LRRTM4: variants seen among roughly 807,000 people sequenced by gnomAD.
LRRTM4 encodes the protein leucine rich repeat transmembrane neuronal 4, also known as leucine-rich repeat transmembrane neuronal protein 4.
LRRTM4 carries 25 observed loss-of-function variants against 47.6 expected under a neutral mutation model. The observed-to-expected ratio is 0.53, with a 90% confidence interval of 0.38 to 0.73. LRRTM4 has a LOEUF of 0.73. Among genes scored for constraint, LRRTM4 ranks in the 30% least tolerant of loss-of-function variants. The pLI, the probability that LRRTM4 is intolerant of heterozygous loss-of-function variation, is 0.00. For synonymous variants in LRRTM4, 311 were observed against 269.5 expected (o/e 1.15, Z -1.51); for missense variants, 638 against 713.4 (o/e 0.89, Z 1.20).
At position 77,256,373 on chromosome 2, in the gene LRRTM4, T is replaced by TA. The variant is rs528373753; in HGVS notation, c.1551+261944dup. ...ATTAATGATTTTAAACAAGCTCATC[T>TA]AAAAAAACAGAAGAAAAGAGAAGAC... On this transcript the variant is annotated intron_variant, in intron 3 of 3. Transcript: ENST00000409884. Among the ~76,000 whole-genome samples, 9 of 152,194 alleles carry TA rather than the reference T, an allele frequency of 5.9e-5. No individual in the cohort carries two copies. In the East Asian group the frequency reaches 9.7e-4, roughly 16 times the overall value.
chr2:77,244,661 G>C (rs10172843), intron 3 of LRRTM4, among the ~76,000 whole-genome samples: 82,991 of 151,650 alleles, frequency 0.55, 23,068 homozygotes, highest in African/African-American at 0.6. Context: ...AAGTTCATAA[G>C]AAATAAAATG....
chr2:77,386,464 C>T (rs561259735), intron 3 of LRRTM4, among the ~76,000 whole-genome samples: 6 of 152,116 alleles, frequency 3.9e-5, no homozygotes, highest in Non-Finnish European at 8.8e-5. Context: ...TTTTTTATGG[C>T]TGCATAGTAC....
At chr2:77,336,516 C>G (rs1001614141) in intron 3 of LRRTM4, among the ~76,000 whole-genome samples, 3 of 152,058 alleles carry the variant, frequency 2.0e-5, no homozygotes, top group Admixed American at 1.3e-4. Flanking sequence ...AAAGATAATT[C>G]ACTACAATTA....
intron 3 of LRRTM4, among the ~76,000 whole-genome samples, chr2:77,496,865 G>C (rs1025174445): frequency 6.6e-6 from 1 of 151,508 alleles, no homozygotes; most frequent in Non-Finnish European, 1.5e-5. Context: ...AACTTATATA[G>C]AATTTGCATT....
chr2:76,931,764 C>A (rs1674776664), intron 3 of LRRTM4, among the ~76,000 whole-genome samples: 2 of 152,072 alleles, frequency 1.3e-5, no homozygotes, highest in Admixed American at 1.3e-4. Flanking sequence ...TCCAGGTTTA[C>A]CAGCATAAAG....
At position 76,893,288 on chromosome 2, in the gene LRRTM4, G is replaced by A. The variant is rs566252117; in HGVS notation, c.1552-144372C>T. On this transcript the variant is annotated intron_variant, in intron 3 of 3. Coordinates refer to ENST00000409884, the MANE Select transcript of LRRTM4 (RefSeq NM_001134745.3). ...ATACAAGAAATTCTAATTTTCAAAA[G>A]TTATATCCAAATAAAAATGGCAACT... 2.0e-5 allele frequency among the ~76,000 whole-genome samples: 3 copies of A among 151,656 alleles called. No homozygotes were observed. The South Asian group carries it at 6.2e-4, about 31-fold the overall frequency.
intron 3 of LRRTM4, among the ~76,000 whole-genome samples, chr2:76,924,018 T>A (rs1397377244): frequency 6.6e-6 from 1 of 152,122 alleles, no homozygotes; most frequent in Non-Finnish European, 1.5e-5. Flanking sequence ...TTTAGGTTTC[T>A]TTCTTGAGGA....
chr2:77,376,206 T>C (rs1409634415), intron 3 of LRRTM4, among the ~76,000 whole-genome samples: 1 of 151,694 alleles, frequency 6.6e-6, no homozygotes, highest in Non-Finnish European at 1.5e-5. Context: ...ACAGTATATC[T>C]AACTAAGTGT....
chr2:77,158,009 G>C (rs1379393090), intron 3 of LRRTM4, among the ~76,000 whole-genome samples: 2 of 152,120 alleles, frequency 1.3e-5, no homozygotes, highest in African/African-American at 4.8e-5. Flanking sequence ...TAACAAAAAT[G>C]GGTCTGACTA....
rs527630732 is a variant in LRRTM4, at chr2:77,263,971, G to A, written c.1551+254347C>T. ...ACCTTCAGGTATTAAAGGATCTAAC[G>A]TGTTAGAGAAAGATATGTTAAACCG... On this transcript the variant is annotated intron_variant, in intron 3 of 3. Coordinates refer to ENST00000409884, the MANE Select transcript of LRRTM4 (RefSeq NM_001134745.3). Among the ~76,000 whole-genome samples the A allele has an allele frequency of 9.2e-5, 14 of 151,828 alleles. No homozygotes were observed. The South Asian group carries it at 1.0e-3, about 11-fold the overall frequency.
At chr2:76,950,428 C>T (rs913551944) in intron 3 of LRRTM4, among the ~76,000 whole-genome samples, 1 of 151,902 alleles carries the variant, frequency 6.6e-6, no homozygotes, top group African/African-American at 2.4e-5. Flanking sequence ...CCTGCCTGTA[C>T]TTTCCAAACT....
intron 3 of LRRTM4, among the ~76,000 whole-genome samples, chr2:76,866,443 G>A (rs974864625): frequency 2.6e-5 from 4 of 152,108 alleles, no homozygotes; most frequent in Admixed American, 1.3e-4. Flanking sequence ...TCGGCAAGGA[G>A]CATTTGGATC....
intron 3 of LRRTM4, among the ~76,000 whole-genome samples, chr2:77,267,102 A>C (rs1414348732): frequency 2.6e-5 from 4 of 152,158 alleles, no homozygotes; most frequent in Admixed American, 2.0e-4. Flanking sequence ...TTTTCCAATA[A>C]GCTTTTTAGT....
At chr2:77,039,836 A>C (rs1678964248) in intron 3 of LRRTM4, among the ~76,000 whole-genome samples, 2 of 151,124 alleles carry the variant, frequency 1.3e-5, no homozygotes, top group Non-Finnish European at 3.0e-5. Flanking sequence ...TTGCACTCAC[A>C]AGGGAGATTA....
chr2:76,927,960 G>A (rs78720807), intron 3 of LRRTM4, among the ~76,000 whole-genome samples: 3,167 of 152,148 alleles, frequency 0.021, 95 homozygotes, highest in African/African-American at 0.068. Flanking sequence ...TTCTTAAAGC[G>A]CAATTACACT....
At chr2:77,049,758 A>G (rs1679366244) in intron 3 of LRRTM4, among the ~76,000 whole-genome samples, 1 of 151,632 alleles carries the variant, frequency 6.6e-6, no homozygotes, top group Admixed American at 6.6e-5. Context: ...TACTCTGTTT[A>G]TTGTTTTCCT....
chr2:77,085,820 A>C (rs938847309), intron 3 of LRRTM4, among the ~76,000 whole-genome samples: 1 of 152,120 alleles, frequency 6.6e-6, no homozygotes, highest in Non-Finnish European at 1.5e-5. Context: ...CTAATGTAAA[A>C]TATATAGAGC....
rs1029017683 is a variant in LRRTM4 at position 77,417,841 on chromosome 2, A to G, written c.1551+100477T>C. Among the ~76,000 whole-genome samples, 17 of 152,228 alleles carry G rather than the reference A, an allele frequency of 1.1e-4. 1 individual carries two copies. Among genetic ancestry groups the G allele is most frequent in the Admixed American group, 7.2e-4 (11 of 15,286 alleles). ...ACGAGTTACTGGGTGCGGCACACCAACATGGCACATGTATACATATGTAAC... is the reference window on the plus strand; with the variant it reads ...ACGAGTTACTGGGTGCGGCACACCAGCATGGCACATGTATACATATGTAAC... On this transcript the variant is annotated intron_variant, in intron 3 of 3. Coordinates refer to ENST00000409884, the MANE Select transcript of LRRTM4 (RefSeq NM_001134745.3).
chr2:76,884,738 T>C (rs1355227889), intron 3 of LRRTM4, among the ~76,000 whole-genome samples: 2 of 152,142 alleles, frequency 1.3e-5, no homozygotes, highest in East Asian at 1.9e-4. Flanking sequence ...CAAAAGCTTT[T>C]AAAATGTTGA....
Sources: allele counts gnomAD v4.1 joint callset (sites outside exome capture counted in the v4.1 genomes callset), GRCh38; gene constraint gnomAD v4.1.1; transcripts MANE v1.5; gene names NCBI Gene and HGNC (gene_info 2026-07-23, HGNC 2026-07-21).